UHMK1: variants seen among roughly 807,000 people sequenced by gnomAD.
UHMK1 encodes U2AF homology motif kinase 1, also known as serine/threonine-protein kinase Kist.
In UHMK1, 18 loss-of-function variants were observed where a neutral mutation model predicts 44.0. That is an observed-to-expected ratio of 0.41 (90% CI 0.28 to 0.61). UHMK1 has a LOEUF of 0.61. Ranked by LOEUF, UHMK1 falls within the 20% of genes least tolerant of loss-of-function variation. The pLI, the probability that UHMK1 is intolerant of heterozygous loss-of-function variation, is 0.31. For synonymous variants in UHMK1, 231 were observed against 198.5 expected (o/e 1.16, Z -1.38); for missense variants, 463 against 522.5 (o/e 0.89, Z 1.11).
At chr1:162,501,132 G>T (rs754307177) in intron 3 of UHMK1, 28 bp downstream of exon 3, 7 of 1,602,806 alleles carry the variant, frequency 4.4e-6, no homozygotes, top group Non-Finnish European at 4.3e-6. Context: ...TTTGCTTTGG[G>T]GTCCTTACTT....
intron 4 of UHMK1, among the ~76,000 whole-genome samples, chr1:162,510,836 G>A (rs1651639386): frequency 6.6e-6 from 1 of 151,776 alleles, no homozygotes; most frequent in African/African-American, 2.4e-5. Context: ...CCCAGTAGTG[G>A]GATTGCTGGT....
At chr1:162,517,232 G>A (rs1193333924) in intron 6 of UHMK1, among the ~76,000 whole-genome samples, 3 of 152,178 alleles carry the variant, frequency 2.0e-5, no homozygotes, top group Admixed American at 6.5e-5. Context: ...CCGGGAGGTG[G>A]AGGTTGCAGT....
At chr1:162,514,909 G>A (rs1651782507) in intron 6 of UHMK1, among the ~76,000 whole-genome samples, 1 of 152,192 alleles carries the variant, frequency 6.6e-6, no homozygotes, top group African/African-American at 2.4e-5. Context: ...TAGGTAGGAA[G>A]TTAGTGATGT....
chr1:162,510,213 A>G (rs115791339), intron 4 of UHMK1, among the ~76,000 whole-genome samples: 4,152 of 152,300 alleles, frequency 0.027, 190 homozygotes, highest in African/African-American at 0.093. Flanking sequence ...ATTTTTTGTG[A>G]TGAGAGTGCT....
At chr1:162,506,214 T>A (rs1029651706) in intron 4 of UHMK1, among the ~76,000 whole-genome samples, 4 of 93,164 alleles carry the variant, frequency 4.3e-5, no homozygotes, top group African/African-American at 9.7e-5. Flanking sequence ...TTATTTTTTT[T>A]AAATAATAGC....
intron 1 of UHMK1, among the ~76,000 whole-genome samples, chr1:162,498,974 TATA>T (rs1222642792): frequency 6.6e-6 from 1 of 152,220 alleles, no homozygotes; most frequent in Non-Finnish European, 1.5e-5. Flanking sequence ...TGAGTTTTTT[TATA>T]ATATCATTTT....
chr1:162,503,337 C>CG, intron 3 of UHMK1, among the ~76,000 whole-genome samples: 1 of 152,034 alleles, frequency 6.6e-6, no homozygotes, highest in East Asian at 1.9e-4. Flanking sequence ...TTGCTGGGCA[C>CG]GATGGCTCAC....
chr1:162,507,472 G>A (rs1015285484), intron 4 of UHMK1, among the ~76,000 whole-genome samples: 15 of 151,714 alleles, frequency 9.9e-5, no homozygotes, highest in East Asian at 9.7e-4. Context: ...TTTAAGAGAC[G>A]AGGTCCCACC....
chr1:162,521,040 A>G (rs911863212), intron 7 of UHMK1, among the ~76,000 whole-genome samples: 1 of 152,028 alleles, frequency 6.6e-6, no homozygotes, highest in African/African-American at 2.4e-5. Flanking sequence ...CTTTTGATAA[A>G]CTCTTGGAAT....
chr1:162,498,087 G>GGGTAGCGGCTCCTCCGCCTC lies in UHMK1; in HGVS notation c.91_110dup (p.Tyr38AlafsTer60). On this transcript the variant is annotated frameshift_variant, in exon 1 of 8. Coordinates refer to ENST00000489294, the MANE Select transcript of UHMK1 (RefSeq NM_175866.5). LOFTEE classifies it high-confidence loss of function. ...GGCTGTGGCAGGTACAGAGCCGTCT[G>GGGTAGCGGCTCCTCCGCCTC]GGTAGCGGCTCCTCCGCCTCGGTGT... 2.5e-6 allele frequency: 4 copies of GGGTAGCGGCTCCTCCGCCTC among 1,612,060 alleles called. No homozygotes were observed.
At chr1:162,503,070 G>A (rs893597929) in intron 3 of UHMK1, among the ~76,000 whole-genome samples, 4 of 152,076 alleles carry the variant, frequency 2.6e-5, no homozygotes, top group Admixed American at 1.3e-4. Context: ...TTTTAATACT[G>A]CATCATATTC....
chr1:162,508,663 C>G (rs1651562019), intron 4 of UHMK1, among the ~76,000 whole-genome samples: 1 of 151,580 alleles, frequency 6.6e-6, no homozygotes. Flanking sequence ...GATTGCACCA[C>G]TGCACTTCAG....
chr1:162,497,300 T>C, upstream of UHMK1: 1 of 702,732 alleles, frequency 1.4e-6, no homozygotes, highest in Non-Finnish European at 2.6e-6. Flanking sequence ...CGGAGAGGTA[T>C]GAGGCTAGTC....
chr1:162,513,642 A>G (rs1162933606), intron 6 of UHMK1, among the ~76,000 whole-genome samples: 1 of 152,214 alleles, frequency 6.6e-6, no homozygotes, highest in Admixed American at 6.5e-5. Flanking sequence ...TTGCTTGACT[A>G]AAAGTTGAGG....
In UHMK1 at chr1:162,527,734, C is replaced by G. The variant is rs1303921945; in HGVS notation, c.*5184C>G. On this transcript the variant is annotated 3_prime_UTR_variant, in exon 8 of 8. Coordinates refer to ENST00000489294, the MANE Select transcript of UHMK1 (RefSeq NM_175866.5). Reference sequence around the variant, plus strand: ...CAATAACCAGAAGAAATCTTGTGGCCCTTTTGAAGAAAGCCATGTATGTTT... The same window carrying G: ...CAATAACCAGAAGAAATCTTGTGGCGCTTTTGAAGAAAGCCATGTATGTTT... The G allele has an allele frequency of 6.6e-6, 1 of 151,814 alleles. No individual in the cohort carries two copies. The highest frequency in any genetic ancestry group is 2.4e-5 in the African/African-American group (1 of 41,354). 9.4% of individuals were successfully genotyped at this position (151,814 alleles called of 1,614,324 possible).
intron 3 of UHMK1, 138 bp from the exon 4 acceptor site, chr1:162,503,611 CAAAAA>C (rs33964112): frequency 0.015 from 5,395 of 355,222 alleles, no homozygotes; most frequent in South Asian, 0.023. Flanking sequence ...ACCCTGTCTC[CAAAAA>C]AAAAAAAAAA....
chr1:162,502,053 G>A (rs566626282), intron 3 of UHMK1, among the ~76,000 whole-genome samples: 2 of 152,140 alleles, frequency 1.3e-5, no homozygotes, highest in South Asian at 2.1e-4. Context: ...GCACACACCT[G>A]TAGTCCCAGC....
intron 1 of UHMK1, 86 bp downstream of exon 1, chr1:162,498,354 TC>T: frequency 6.8e-7 from 1 of 1,462,238 alleles, no homozygotes; most frequent in East Asian, 2.4e-5. Flanking sequence ...TCCATCTTCC[TC>T]CCCTTCTGCG....
intron 4 of UHMK1, among the ~76,000 whole-genome samples, chr1:162,510,137 A>G (rs76382858): frequency 0.014 from 2,087 of 152,328 alleles, 54 homozygotes; most frequent in African/African-American, 0.048. Context: ...AACGTGTTTT[A>G]AAGTATATAT....
Sources: gnomAD v4.1 joint callset for allele counts (sites outside exome capture counted in the v4.1 genomes callset) on GRCh38, gnomAD v4.1.1 for gene constraint, MANE v1.5 for transcripts, NCBI Gene and HGNC (gene_info 2026-07-23, HGNC 2026-07-21) for gene names.